Variants in TNIK observed in about 807,000 individuals in gnomAD.
TNIK encodes the protein TRAF2 and NCK-interacting protein kinase.
A neutral mutation model predicts 191.3 loss-of-function variants in TNIK; 49 were observed. The ratio of observed to expected loss-of-function variants is 0.26; its 90% CI spans 0.20 to 0.32. TNIK has a LOEUF of 0.32. Among genes scored for constraint, TNIK ranks in the 10% least tolerant of loss-of-function variants. The pLI, the probability that TNIK is intolerant of heterozygous loss-of-function variation, is 1.00. For missense variants in TNIK, 1,155 were observed against 1,702.3 expected, an observed-to-expected ratio of 0.68 and a Z score of 5.66; for synonymous variants, 594 against 600.9, an observed-to-expected ratio of 0.99 and a Z score of 0.17.
rs566505137 is a variant in TNIK, at chr3:171,125,103, G to A, written c.2013+809C>T. 3.1e-3 allele frequency among the ~76,000 whole-genome samples: 476 copies of A among 152,294 alleles called. 2 individuals carry two copies. Among genetic ancestry groups the A allele is most frequent in the South Asian group, 5.8e-3 (28 of 4,824 alleles). ...GCTTCTTTTTCTTCTGGAATTAACA[G>A]TGGCATTTTCTGCAAATTGTGGAAC... On this transcript the variant is annotated intron_variant, in intron 17 of 32. Transcript: ENST00000436636.
chr3:171,306,143 A>G (rs1467780782), intron 2 of TNIK, among the ~76,000 whole-genome samples: 3 of 152,176 alleles, frequency 2.0e-5, no homozygotes, highest in Non-Finnish European at 4.4e-5. Context: ...GTTCTCACTT[A>G]TAAGTGGGAG....
At chr3:171,386,209 AAT>A (rs1420857653) in intron 1 of TNIK, among the ~76,000 whole-genome samples, 2 of 152,360 alleles carry the variant, frequency 1.3e-5, no homozygotes, top group East Asian at 3.9e-4. Flanking sequence ...TTTCTTGTGA[AAT>A]AAATAAATAA....
chr3:171,206,335 G>A (rs1012868930), intron 4 of TNIK, among the ~76,000 whole-genome samples: 3 of 133,068 alleles, frequency 2.3e-5, no homozygotes, highest in Non-Finnish European at 3.2e-5. Context: ...ATATGTTCGT[G>A]TATATATATA....
chr3:171,269,558 T>G (rs1294549435), intron 2 of TNIK, among the ~76,000 whole-genome samples: 4 of 152,230 alleles, frequency 2.6e-5, no homozygotes, highest in African/African-American at 9.6e-5. Flanking sequence ...TTGGATAGCT[T>G]TAATTCAGTG....
At chr3:171,385,579 A>G (rs533894148) in intron 1 of TNIK, among the ~76,000 whole-genome samples, 40 of 152,186 alleles carry the variant, frequency 2.6e-4, no homozygotes, top group Non-Finnish European at 4.9e-4. Flanking sequence ...ATACAAACTG[A>G]CACAGTCAAG....
chr3:171,150,951 A>C (rs1365069346), intron 12 of TNIK, among the ~76,000 whole-genome samples: 5 of 152,220 alleles, frequency 3.3e-5, no homozygotes, highest in African/African-American at 1.2e-4. Context: ...TAAAATGAAA[A>C]ACAAAATTAA....
chr3:171,459,977 T>A, intron 1 of TNIK, 30 bp downstream of exon 1: 1 of 1,407,232 alleles, frequency 7.1e-7, no homozygotes, highest in Admixed American at 1.9e-5. Context: ...CCCAAACCAC[T>A]GGAAAGAAAC....
chr3:171,070,321 A>C (rs1719018513), intron 29 of TNIK, among the ~76,000 whole-genome samples: 1 of 152,208 alleles, frequency 6.6e-6, no homozygotes, highest in Non-Finnish European at 1.5e-5. Flanking sequence ...TGGTGTTCCA[A>C]GGGCAGTTTT....
intron 2 of TNIK, among the ~76,000 whole-genome samples, chr3:171,295,026 A>G (rs1290614735): frequency 6.6e-6 from 1 of 150,628 alleles, no homozygotes; most frequent in East Asian, 1.9e-4. Flanking sequence ...AGAGAGAGAG[A>G]GGAAAAAAAA....
At chr3:171,186,451 C>G (rs1463145955) in intron 7 of TNIK, among the ~76,000 whole-genome samples, 6 of 152,080 alleles carry the variant, frequency 3.9e-5, no homozygotes, top group African/African-American at 1.4e-4. Flanking sequence ...TTTTAAAAAC[C>G]TAAAATAATT....
intron 12 of TNIK, among the ~76,000 whole-genome samples, chr3:171,144,343 A>G (rs1421429669): frequency 7.9e-5 from 12 of 152,266 alleles, no homozygotes; most frequent in South Asian, 6.2e-4. Flanking sequence ...CAGGGACTTC[A>G]TGTCCCTTTT....
chr3:171,343,156 A>T (rs2108408626), intron 2 of TNIK, among the ~76,000 whole-genome samples: 1 of 152,298 alleles, frequency 6.6e-6, no homozygotes, highest in South Asian at 2.1e-4. Context: ...CCCACTTCTT[A>T]GCTGTGGGCT....
At chr3:171,154,711 G>A (rs144225749) in intron 12 of TNIK, among the ~76,000 whole-genome samples, 1 of 152,278 alleles carries the variant, frequency 6.6e-6, no homozygotes, top group East Asian at 1.9e-4. Context: ...TTTTTATTGA[G>A]CTGAGTAAAA....
rs1386464329 is a variant in TNIK, at chr3:171,060,149, C to A, written c.*3732G>T. Among the ~76,000 whole-genome samples, 2 of 152,148 alleles carry A rather than the reference C, an allele frequency of 1.3e-5. No homozygotes were observed. The highest frequency in any genetic ancestry group is 1.5e-5 in the Non-Finnish European group (1 of 68,022). On this transcript the variant is annotated 3_prime_UTR_variant, in exon 33 of 33. Transcript: ENST00000436636. ...TAACACAAAGAGCTCTTCCACGTTT[C>A]AAGAATACAGTGACGGGAACTGGTA... is the stretch of plus-strand genomic sequence containing the variant.
At chr3:171,158,238 A>G (rs964553706) in intron 11 of TNIK, among the ~76,000 whole-genome samples, 2 of 152,232 alleles carry the variant, frequency 1.3e-5, no homozygotes, top group Non-Finnish European at 2.9e-5. Context: ...AGTCCAAGTC[A>G]GGGTTTGCCT....
At chr3:171,210,347 A>G (rs1415281905) in intron 4 of TNIK, among the ~76,000 whole-genome samples, 1 of 152,218 alleles carries the variant, frequency 6.6e-6, no homozygotes, top group African/African-American at 2.4e-5. Flanking sequence ...TTGCTGAAGG[A>G]CTAAGTGAAT....
At chr3:171,209,590 C>T (rs892542771) in intron 4 of TNIK, among the ~76,000 whole-genome samples, 3 of 152,066 alleles carry the variant, frequency 2.0e-5, no homozygotes, top group Non-Finnish European at 2.9e-5. Context: ...TCTCCCACTA[C>T]TTTTATATGT....
chr3:171,082,173 C>T, intron 27 of TNIK, 78 bp downstream of exon 27: 1 of 1,527,650 alleles, frequency 6.5e-7, no homozygotes. Context: ...AAGGGCAGAA[C>T]TAACTGTTTC....
intron 1 of TNIK, among the ~76,000 whole-genome samples, chr3:171,394,289 T>G (rs1480444104): frequency 6.6e-6 from 1 of 152,168 alleles, no homozygotes; most frequent in Non-Finnish European, 1.5e-5. Flanking sequence ...AATTATAAAT[T>G]TTCCTCAATA....
Sources: allele counts gnomAD v4.1 joint callset (sites outside exome capture counted in the v4.1 genomes callset), GRCh38; gene constraint gnomAD v4.1.1; transcripts MANE v1.5; gene names NCBI Gene and HGNC (gene_info 2026-07-23, HGNC 2026-07-21).